AGBL4: variants seen among roughly 807,000 people sequenced by gnomAD.
AGBL4 encodes AGBL carboxypeptidase 4.
A neutral mutation model predicts 66.4 loss-of-function variants in AGBL4; 58 were observed. The ratio of observed to expected loss-of-function variants is 0.87; its 90% CI spans 0.71 to 1.09. The LOEUF (loss-of-function observed/expected upper bound fraction) is 1.09. Among genes scored for constraint, AGBL4 ranks in the 50% least tolerant of loss-of-function variants. The pLI, the probability that AGBL4 is intolerant of heterozygous loss-of-function variation, is 0.00. For synonymous variants in AGBL4, 234 were observed against 222.9 expected (o/e 1.05, Z -0.44); for missense variants, 579 against 631.0 (o/e 0.92, Z 0.88).
chr1:49,976,460 G>A (rs183443039), intron 1 of AGBL4, among the ~76,000 whole-genome samples: 4 of 152,098 alleles, frequency 2.6e-5, no homozygotes, highest in South Asian at 2.1e-4. Context: ...ATGATAGTTC[G>A]AAAAAGGGAA....
At chr1:49,631,075 T>C (rs1384935841) in intron 3 of AGBL4, among the ~76,000 whole-genome samples, 3 of 152,058 alleles carry the variant, frequency 2.0e-5, no homozygotes, top group African/African-American at 7.2e-5. Flanking sequence ...AAGAGATGGG[T>C]GGACTAACTC....
At chr1:48,986,187 T>A (rs1473471221) in intron 5 of AGBL4, among the ~76,000 whole-genome samples, 1 of 152,008 alleles carries the variant, frequency 6.6e-6, no homozygotes, top group East Asian at 1.9e-4. Context: ...ACTTTAATTA[T>A]CCTACTATAC....
At chr1:49,831,732 T>C (rs1222557087) in intron 2 of AGBL4, among the ~76,000 whole-genome samples, 1 of 152,212 alleles carries the variant, frequency 6.6e-6, no homozygotes, top group African/African-American at 2.4e-5. Flanking sequence ...TTCAGTATGA[T>C]ACTGGCTGTG....
Position 49,451,876 on chromosome 1 carries a change from GA to G in AGBL4, c.283-206013del, listed in dbSNP as rs1323420809. 2.0e-5 allele frequency among the ~76,000 whole-genome samples: 3 copies of G among 151,386 alleles called. No individual in the cohort carries two copies. In the East Asian group the frequency reaches 5.8e-4, roughly 29 times the overall value. On this transcript the variant is annotated intron_variant, in intron 3 of 13. Coordinates refer to ENST00000371839, the MANE Select transcript of AGBL4 (RefSeq NM_032785.4). ...ACCTGAATACTGCTGTTTTTAGAAAGAAAAAAAATAGAACTACATTTGGTAG... is the reference window on the plus strand; with the variant it reads ...ACCTGAATACTGCTGTTTTTAGAAAGAAAAAAATAGAACTACATTTGGTAG...
chr1:48,877,638 ACTAGGTG>A (rs1649352535), intron 5 of AGBL4, among the ~76,000 whole-genome samples: 1 of 152,206 alleles, frequency 6.6e-6, no homozygotes, highest in African/African-American at 2.4e-5. Flanking sequence ...ATTAGATGAT[ACTAGGTG>A]CAAGGTCATG....
chr1:49,056,725 C>T (rs1053008027), intron 4 of AGBL4, among the ~76,000 whole-genome samples: 6 of 151,848 alleles, frequency 4.0e-5, no homozygotes, highest in Admixed American at 1.3e-4. Context: ...TTGTGGCTGT[C>T]CAAGCAATGT....
At chr1:49,365,834 C>A (rs1644231540) in intron 3 of AGBL4, among the ~76,000 whole-genome samples, 1 of 152,110 alleles carries the variant, frequency 6.6e-6, no homozygotes, top group African/African-American at 2.4e-5. Flanking sequence ...GGAGTTGAAT[C>A]CTAGCTCTGT....
chr1:49,431,622 C>T (rs552160527), intron 3 of AGBL4, among the ~76,000 whole-genome samples: 1 of 152,186 alleles, frequency 6.6e-6, no homozygotes, highest in South Asian at 2.1e-4. Context: ...TGTACATCTC[C>T]ATTGTACATT....
chr1:49,263,853 T>G (rs1653471365), intron 3 of AGBL4, among the ~76,000 whole-genome samples: 1 of 152,164 alleles, frequency 6.6e-6, no homozygotes, highest in Admixed American at 6.5e-5. Flanking sequence ...GTATCAGTAT[T>G]CATTTATAAT....
chr1:49,833,960 C>T (rs1645774751), intron 2 of AGBL4, among the ~76,000 whole-genome samples: 1 of 151,772 alleles, frequency 6.6e-6, no homozygotes, highest in Non-Finnish European at 1.5e-5. Context: ...TTGACTTCCT[C>T]TTTGTGCCTC....
chr1:49,707,237 C>T (rs1647272856), intron 2 of AGBL4, among the ~76,000 whole-genome samples: 3 of 152,166 alleles, frequency 2.0e-5, no homozygotes, highest in South Asian at 4.2e-4. Context: ...GTATTGGATG[C>T]ATATATATTT....
Position 48,715,627 on chromosome 1 carries a change from T to C in AGBL4, c.635-52386A>G, listed in dbSNP as rs569950330. Among the ~76,000 whole-genome samples the C allele has an allele frequency of 2.0e-5, 3 of 152,324 alleles. No individual in the cohort carries two copies. The South Asian group carries it at 6.2e-4, about 32-fold the overall frequency. On this transcript the variant is annotated intron_variant, in intron 6 of 13. Transcript: ENST00000371839. The stretch of plus-strand genomic sequence containing the variant: ...TTTATTGAAATACTTCAGAGTAAAT[T>C]TGGAGACAGGCACTCCTCTACTCAA...
intron 1 of AGBL4, among the ~76,000 whole-genome samples, chr1:49,911,914 T>A (rs1365664427): frequency 1.3e-5 from 2 of 152,192 alleles, no homozygotes; most frequent in Non-Finnish European, 2.9e-5. Flanking sequence ...TCACCTGAGG[T>A]CCCAGCTCAC....
intron 6 of AGBL4, among the ~76,000 whole-genome samples, chr1:48,822,124 A>C (rs897614361): frequency 2.0e-5 from 3 of 152,188 alleles, no homozygotes; most frequent in Non-Finnish European, 2.9e-5. Context: ...AAAATGATAC[A>C]AACACCTTGG....
chr1:49,046,613 T>C (rs1227244225), intron 4 of AGBL4, among the ~76,000 whole-genome samples: 1 of 152,212 alleles, frequency 6.6e-6, no homozygotes, highest in Non-Finnish European at 1.5e-5. Flanking sequence ...TTATTTATGA[T>C]ATCCAACCTC....
At chr1:48,880,220 G>A (rs995025783) in intron 5 of AGBL4, among the ~76,000 whole-genome samples, 3 of 152,092 alleles carry the variant, frequency 2.0e-5, no homozygotes, top group African/African-American at 7.2e-5. Context: ...TGTGATGTTT[G>A]GTTTTTCATT....
chr1:48,695,499 G>T (rs1432790446), intron 6 of AGBL4, among the ~76,000 whole-genome samples: 1 of 152,118 alleles, frequency 6.6e-6, no homozygotes, highest in Non-Finnish European at 1.5e-5. Flanking sequence ...TTAACACAAT[G>T]GCCTCAGGAC....
chr1:48,995,373 C>A (rs1177844177), intron 5 of AGBL4, among the ~76,000 whole-genome samples: 2 of 152,170 alleles, frequency 1.3e-5, no homozygotes, highest in Non-Finnish European at 2.9e-5. Context: ...GAGCAGGGAT[C>A]TAATAGGTCA....
At position 48,862,478 on chromosome 1, in the gene AGBL4, C is replaced by T. The variant is rs533766038; in HGVS notation, c.634+4713G>A. ...ATGGGACTACAGGCGCCCGCCACCA[C>T]GCTCGGCTAATTTTTTGTATTTTTA... On this transcript the variant is annotated intron_variant, in intron 6 of 13. Coordinates refer to ENST00000371839, the MANE Select transcript of AGBL4 (RefSeq NM_032785.4). Among the ~76,000 whole-genome samples, 13 of 152,172 alleles carry T rather than the reference C, an allele frequency of 8.5e-5. No individual in the cohort carries two copies. The South Asian group carries it at 1.0e-3, about 12-fold the overall frequency.
Sources: gnomAD v4.1 joint callset for allele counts (sites outside exome capture counted in the v4.1 genomes callset) on GRCh38, gnomAD v4.1.1 for gene constraint, MANE v1.5 for transcripts, NCBI Gene and HGNC (gene_info 2026-07-23, HGNC 2026-07-21) for gene names.